The following PCNT variants were observed in gnomAD, a reference collection of about 807,000 sequenced individuals.
PCNT encodes pericentrin, also known as kendrin.
A neutral mutation model predicts 380.4 loss-of-function variants in PCNT; 319 were observed. The ratio of observed to expected loss-of-function variants is 0.84; its 90% CI spans 0.77 to 0.92. The LOEUF (loss-of-function observed/expected upper bound fraction) is 0.92, where lower values mean the gene tolerates loss of function less well. PCNT is among the 40% of genes least tolerant of loss of function. The pLI, the probability that PCNT is intolerant of heterozygous loss-of-function variation, is 0.00. For synonymous variants in PCNT, 1,845 were observed against 1,735.2 expected, an observed-to-expected ratio of 1.06 and a Z score of -1.57; for missense variants, 4,400 against 4,255.3, an observed-to-expected ratio of 1.03 and a Z score of -0.95.
At chr21:46,438,132 A>G in intron 40 of PCNT, 32 bp from the exon 41 acceptor site, 1 of 1,586,384 alleles carries the variant, frequency 6.3e-7, no homozygotes, top group Non-Finnish European at 8.6e-7. Context: ...TTTAACAACA[A>G]ATTCTTACAA....
At chr21:46,371,999 A>G (rs1431208450) in intron 15 of PCNT, among the ~76,000 whole-genome samples, 5 of 151,200 alleles carry the variant, frequency 3.3e-5, no homozygotes, top group Non-Finnish European at 5.9e-5. Flanking sequence ...ACATGCACAC[A>G]CACACAGCAC....
chr21:46,342,206 A>G (rs2083928374), intron 3 of PCNT, among the ~76,000 whole-genome samples: 1 of 152,018 alleles, frequency 6.6e-6, no homozygotes, highest in Non-Finnish European at 1.5e-5. Context: ...TCCTAGGCTT[A>G]AGTGATTCTC....
chr21:46,386,353 G>A (rs1263372403), intron 17 of PCNT, among the ~76,000 whole-genome samples: 2 of 152,246 alleles, frequency 1.3e-5, no homozygotes, highest in African/African-American at 4.8e-5. Context: ...AGGCCCACAT[G>A]TCTCGTGGTT....
At chr21:46,362,679 A>G (rs1035631446) in intron 13 of PCNT, among the ~76,000 whole-genome samples, 1 of 151,908 alleles carries the variant, frequency 6.6e-6, no homozygotes, top group Non-Finnish European at 1.5e-5. Context: ...GGTGGCTCAC[A>G]CCTGTAACAA....
intron 8 of PCNT, among the ~76,000 whole-genome samples, 178 bp downstream of exon 8, chr21:46,349,998 C>A (rs892116097): frequency 6.6e-6 from 1 of 152,020 alleles, no homozygotes; most frequent in Non-Finnish European, 1.5e-5. Flanking sequence ...CCAAGGTGGG[C>A]AGATCATGAG....
intron 2 of PCNT, among the ~76,000 whole-genome samples, chr21:46,331,040 G>C (rs562134649): frequency 7.2e-6 from 1 of 139,720 alleles, no homozygotes; most frequent in East Asian, 1.9e-4. Flanking sequence ...GTGTGTGTGT[G>C]AGAGTGTGTG....
At chr21:46,391,679 G>A (rs1179694142) in intron 21 of PCNT, among the ~76,000 whole-genome samples, 1 of 152,206 alleles carries the variant, frequency 6.6e-6, no homozygotes, top group Non-Finnish European at 1.5e-5. Flanking sequence ...AGGCAGAGCC[G>A]AGTGCGGCAA....
chr21:46,435,243 G>T (rs1238035884), intron 38 of PCNT, among the ~76,000 whole-genome samples: 1 of 151,108 alleles, frequency 6.6e-6, no homozygotes, highest in Non-Finnish European at 1.5e-5. Flanking sequence ...GGTTTTTTTT[G>T]GTAGATGGAG....
intron 9 of PCNT, 25 bp from the exon 10 acceptor site, chr21:46,353,079 A>G (rs752192546): frequency 1.2e-6 from 2 of 1,600,340 alleles, no homozygotes; most frequent in Admixed American, 1.7e-5. Context: ...TTTTAAGACG[A>G]TTGCCTGACT....
At chr21:46,428,289 A>C in intron 34 of PCNT, 106 bp from the exon 35 acceptor site, 1 of 1,017,138 alleles carries the variant, frequency 9.8e-7, no homozygotes, top group Non-Finnish European at 1.5e-6. Context: ...TCCCAGACTC[A>C]GCAGGCTTGT....
chr21:46,353,174 A>T lies in PCNT; in HGVS notation c.1527A>T (p.Lys509Asn). ...TAGAACAGCTGAAGCAGCGAGAAAA[A>T]ACCCAGCATGAGTCCGAACTGGAGC... ...EDLEQLKQRE[K>N]TQHESELEQL... Residue 509 changes from lysine to asparagine, a missense_variant, in exon 10 of 47, where the codon AAA becomes AAT. By Grantham distance (94) the Lys-to-Asn change is moderately conservative. Coordinates refer to ENST00000359568, the MANE Select transcript of PCNT (RefSeq NM_006031.6). The T allele has an allele frequency of 6.2e-7, 1 of 1,614,104 alleles. No individual in the cohort carries two copies. The highest frequency in any genetic ancestry group is 8.5e-7 in the Non-Finnish European group (1 of 1,180,028).
In PCNT at chr21:46,354,005, A is replaced by G. The variant is rs2084378979; in HGVS notation, c.1698A>G (p.Leu566=). ...CCTTCAGGTTGTCCTGTGTGGGTTTAGAAGAGAAACCTGAGAAAGGAAGAA... is the reference window on the plus strand; with the variant it reads ...CCTTCAGGTTGTCCTGTGTGGGTTTGGAAGAGAAACCTGAGAAAGGAAGAA... ...SVEVGLSCVG[L]EEKPEKGRKD... The change falls in exon 11 of 47, where the codon TTA becomes TTG. Residue 566 remains leucine, a synonymous_variant. Coordinates refer to ENST00000359568, the MANE Select transcript of PCNT (RefSeq NM_006031.6). 1 of 1,613,940 alleles carries G rather than the reference A, an allele frequency of 6.2e-7. No homozygotes were observed. The highest frequency in any genetic ancestry group is 8.5e-7 in the Non-Finnish European group (1 of 1,179,914).
Position 46,341,704 on chromosome 21 carries a change from C to T in PCNT, c.640-4424C>T, listed in dbSNP as rs114732915. Among the ~76,000 whole-genome samples, 964 of 151,780 alleles carry T rather than the reference C, an allele frequency of 6.4e-3. 11 individuals are homozygous for T. The highest frequency in any genetic ancestry group is 0.022 in the African/African-American group (922 of 41,368). On this transcript the variant is annotated intron_variant, in intron 3 of 46. Transcript: ENST00000359568. ...TTTGTTTTGTTTTTTAATTTTGAGA[C>T]GGGGTCTTACCCTGTTGCCCATGCT... is the stretch of plus-strand genomic sequence containing the variant.
intron 17 of PCNT, among the ~76,000 whole-genome samples, chr21:46,386,199 G>A (rs556689332): frequency 1.2e-4 from 19 of 152,078 alleles, no homozygotes; most frequent in Non-Finnish European, 2.1e-4. Flanking sequence ...CCCAGCCCCC[G>A]TGCCCTCCTC....
intron 20 of PCNT, 94 bp downstream of exon 20, chr21:46,390,926 T>A: frequency 1.4e-6 from 2 of 1,428,532 alleles, no homozygotes; most frequent in Non-Finnish European, 1.9e-6. Context: ...ATAGGGTTTT[T>A]AAAGTGAAAT....
At chr21:46,414,194 G>T (rs1475406646) in intron 29 of PCNT, among the ~76,000 whole-genome samples, 1 of 152,088 alleles carries the variant, frequency 6.6e-6, no homozygotes, top group African/African-American at 2.4e-5. Flanking sequence ...GTTTCACCAT[G>T]TTGGCCAGGC....
At chr21:46,350,225 T>G (rs1199082315) in intron 8 of PCNT, among the ~76,000 whole-genome samples, 1 of 152,128 alleles carries the variant, frequency 6.6e-6, no homozygotes, top group Non-Finnish European at 1.5e-5. Flanking sequence ...AATAGAGTGT[T>G]AGTGGTGAAT....
intron 35 of PCNT, 147 bp from the exon 36 acceptor site, chr21:46,429,863 C>T (rs2087676776): frequency 1.5e-5 from 10 of 663,934 alleles, no homozygotes; most frequent in East Asian, 5.5e-5. Flanking sequence ...TGGTTCCACC[C>T]GCAGTGAAAG....
intron 32 of PCNT, among the ~76,000 whole-genome samples, chr21:46,423,734 G>GA (rs1476841903): frequency 5.8e-4 from 2 of 3,424 alleles, no homozygotes; most frequent in Non-Finnish European, 1.2e-3. Context: ...AAGGGGAGGG[G>GA]GAGGGGAAGA....
Sources: gnomAD v4.1 joint callset for allele counts (sites outside exome capture counted in the v4.1 genomes callset) on GRCh38, gnomAD v4.1.1 for gene constraint, MANE v1.5 for transcripts, NCBI Gene and HGNC (gene_info 2026-07-23, HGNC 2026-07-21) for gene names.